Variants in RMDN2 observed in about 807,000 individuals in gnomAD.
RMDN2 encodes the protein regulator of microtubule dynamics 2.
Under a neutral mutation model 52.8 loss-of-function variants are expected in RMDN2, and 61 were observed. The observed-to-expected ratio is 1.16, with a 90% CI of 0.94 to 1.43. RMDN2 has a LOEUF of 1.43. Among genes scored for constraint, RMDN2 ranks in the 40% most tolerant of loss-of-function variants. The pLI is 0.00. For synonymous variants in RMDN2, 180 were observed against 153.1 expected, an observed-to-expected ratio of 1.18 and a Z score of -1.30; for missense variants, 592 against 475.3, an observed-to-expected ratio of 1.25 and a Z score of -2.28.
At chr2:38,012,570 C>T (rs902423679) in intron 10 of RMDN2, 1 of 466,510 alleles carries the variant, frequency 2.1e-6, no homozygotes, top group South Asian at 1.6e-5. Context: ...ATAGTATGAG[C>T]AAATATTTCT....
chr2:38,004,900 C>T (rs1207993855), intron 10 of RMDN2, among the ~76,000 whole-genome samples: 2 of 151,932 alleles, frequency 1.3e-5, no homozygotes, highest in Non-Finnish European at 2.9e-5. Flanking sequence ...TTCCTGCGTC[C>T]ATGTGTTCTG....
At chr2:38,042,850 T>C (rs1681049119) in intron 10 of RMDN2, among the ~76,000 whole-genome samples, 1 of 152,238 alleles carries the variant, frequency 6.6e-6, no homozygotes, top group Non-Finnish European at 1.5e-5. Flanking sequence ...TATTCCATTA[T>C]GGTCTGTGAA....
At position 37,975,326 on chromosome 2, in the gene RMDN2, G is replaced by A. The variant is rs2125074456; in HGVS notation, c.730+12G>A. ...TTATGCTAATATTGGTAAGCATTTTGTAAAGATTATTCTCAAGTAGCAATT... is the reference window on the plus strand; with the variant it reads ...TTATGCTAATATTGGTAAGCATTTTATAAAGATTATTCTCAAGTAGCAATT... On this transcript the variant is annotated intron_variant, in intron 4 of 10. Coordinates refer to ENST00000354545, the MANE Select transcript of RMDN2 (RefSeq NM_001170791.3). 7.0e-7 allele frequency: 1 copy of A among 1,434,062 alleles called. No homozygotes were observed. The highest frequency in any genetic ancestry group is 9.8e-7 in the Non-Finnish European group (1 of 1,017,502). 88.8% of individuals were successfully genotyped at this position (1,434,062 alleles called of 1,614,324 possible).
At chr2:37,925,589 C>T (rs1666206995) in intron 1 of RMDN2, among the ~76,000 whole-genome samples, 164 bp downstream of exon 1, 1 of 152,212 alleles carries the variant, frequency 6.6e-6, no homozygotes, top group Non-Finnish European at 1.5e-5. Context: ...CTCTGCGTTC[C>T]CGGGGCTGGA....
chr2:38,001,379 T>C (rs987108409), intron 8 of RMDN2, among the ~76,000 whole-genome samples: 3 of 152,202 alleles, frequency 2.0e-5, no homozygotes, highest in African/African-American at 4.8e-5. Flanking sequence ...GAACATTACA[T>C]TGAAACATTA....
intron 2 of RMDN2, among the ~76,000 whole-genome samples, chr2:37,966,380 G>C (rs1671052846): frequency 6.6e-6 from 1 of 151,578 alleles, no homozygotes; most frequent in African/African-American, 2.4e-5. Flanking sequence ...TCATGCCACT[G>C]CATTCCAGCC....
intron 2 of RMDN2, among the ~76,000 whole-genome samples, chr2:37,959,458 CT>C (rs978921590): frequency 6.6e-6 from 1 of 150,986 alleles, no homozygotes; most frequent in Non-Finnish European, 1.5e-5. Flanking sequence ...TTATAGTACT[CT>C]CTGATGGTAG....
downstream of RMDN2, among the ~76,000 whole-genome samples, chr2:38,019,624 C>T (rs1002918983): frequency 6.6e-6 from 1 of 152,120 alleles, no homozygotes; most frequent in Non-Finnish European, 1.5e-5. Flanking sequence ...TGCTGTATGC[C>T]CCCTTCCAGA....
intron 8 of RMDN2, among the ~76,000 whole-genome samples, chr2:38,003,541 AGACC>A (rs1171979523): frequency 4.2e-4 from 49 of 115,786 alleles, no homozygotes; most frequent in African/African-American, 1.4e-3. Flanking sequence ...CAACAAAGCA[AGACC>A]TGATAGATAG....
chr2:37,933,562 G>A (rs1046897458), intron 2 of RMDN2, among the ~76,000 whole-genome samples: 1 of 152,264 alleles, frequency 6.6e-6, no homozygotes, highest in African/African-American at 2.4e-5. Flanking sequence ...TCGCGGTTAG[G>A]AGCTGGAGAC....
intron 7 of RMDN2, among the ~76,000 whole-genome samples, chr2:37,996,773 G>A (rs1053597057): frequency 1.3e-5 from 2 of 151,984 alleles, no homozygotes; most frequent in African/African-American, 4.8e-5. Flanking sequence ...TTATATTTGG[G>A]GAAAGAGCAA....
Position 38,017,295 on chromosome 2 carries a change from T to C in RMDN2, c.*56T>C. 2.0e-6 allele frequency: 3 copies of C among 1,475,276 alleles called. No homozygotes were observed. Among genetic ancestry groups the C allele is most frequent in the South Asian group, 2.8e-5 (2 of 70,386 alleles). 91.4% of individuals were successfully genotyped at this position (1,475,276 alleles called of 1,614,324 possible). On this transcript the variant is annotated 3_prime_UTR_variant, in exon 11 of 11. Transcript: ENST00000354545. Reference sequence around the variant, plus strand: ...TGTGGTCTACCAAAATTTAAATGAATCAAAGTTGTGCTTTTATTATCCTTC... The same window carrying C: ...TGTGGTCTACCAAAATTTAAATGAACCAAAGTTGTGCTTTTATTATCCTTC...
intron 2 of RMDN2, among the ~76,000 whole-genome samples, chr2:37,966,923 A>G (rs1022463980): frequency 1.3e-5 from 2 of 152,232 alleles, no homozygotes; most frequent in African/African-American, 4.8e-5. Context: ...TATCAGAGCA[A>G]CATGCATTTT....
At chr2:37,962,343 G>A (rs1343479817) in intron 2 of RMDN2, among the ~76,000 whole-genome samples, 2 of 152,234 alleles carry the variant, frequency 1.3e-5, no homozygotes, top group Non-Finnish European at 2.9e-5. Flanking sequence ...AGTTTTATCT[G>A]TAAGCCCCTG....
chr2:37,927,369 A>T lies in RMDN2; in HGVS notation c.-16-1893A>T, dbSNP rs185715290. On this transcript the variant is annotated intron_variant, in intron 1 of 10. Coordinates refer to ENST00000354545, the MANE Select transcript of RMDN2 (RefSeq NM_001170791.3). ...ACTTGACACCTGTGTGCCTCAGTTC[A>T]CTTATCTGCAAAATAATAATAGGAC... 3.9e-5 allele frequency among the ~76,000 whole-genome samples: 6 copies of T among 152,278 alleles called. No homozygotes were observed. In the East Asian group the frequency reaches 1.2e-3, roughly 29 times the overall value.
At chr2:37,966,264 A>G (rs1488742882) in intron 2 of RMDN2, among the ~76,000 whole-genome samples, 1 of 152,136 alleles carries the variant, frequency 6.6e-6, no homozygotes, top group Non-Finnish European at 1.5e-5. Flanking sequence ...TAAAAATACA[A>G]AAATTAGCCA....
rs567412156 is a variant in RMDN2, at chr2:37,973,943, C to T, written c.453-97C>T. ...GCACGTGCCACTGCAGAGTTTCAAG[C>T]ATAAGAGGGGCATGATTTGACTTGC... On this transcript the variant is annotated intron_variant, in intron 2 of 10. Transcript: ENST00000354545. 2.3e-5 allele frequency: 22 copies of T among 956,894 alleles called. No homozygotes were observed. In the East Asian group the frequency reaches 5.2e-4, roughly 23 times the overall value. The allele number at this position is 956,894 out of a possible 1,614,324, so 59.3% of individuals were successfully genotyped here.
At chr2:37,988,491 T>A (rs1382238203) in intron 5 of RMDN2, among the ~76,000 whole-genome samples, 1 of 152,190 alleles carries the variant, frequency 6.6e-6, no homozygotes, top group Admixed American at 6.5e-5. Context: ...AACTGAAAAG[T>A]GGCCATTTTA....
intron 10 of RMDN2, among the ~76,000 whole-genome samples, chr2:38,006,996 C>G (rs1488390463): frequency 6.6e-6 from 1 of 152,124 alleles, no homozygotes; most frequent in Non-Finnish European, 1.5e-5. Context: ...TGTTTATATG[C>G]TGGATTACAT....
Sources: gnomAD v4.1 joint callset for allele counts (sites outside exome capture counted in the v4.1 genomes callset) on GRCh38, gnomAD v4.1.1 for gene constraint, MANE v1.5 for transcripts, NCBI Gene and HGNC (gene_info 2026-07-23, HGNC 2026-07-21) for gene names.